Variants in PPARGC1A observed in about 807,000 individuals in gnomAD.
PPARGC1A encodes the protein PPARG coactivator 1 alpha.
Under a neutral mutation model 88.7 loss-of-function variants are expected in PPARGC1A, and 25 were observed. The observed-to-expected ratio is 0.28, with a 90% confidence interval of 0.21 to 0.39. PPARGC1A has a LOEUF of 0.39. Among genes scored for constraint, PPARGC1A ranks in the 10% least tolerant of loss-of-function variants. PPARGC1A has a pLI of 1.00. For synonymous variants in PPARGC1A, 363 were observed against 355.6 expected (o/e 1.02, Z -0.24); for missense variants, 880 against 968.7 (o/e 0.91, Z 1.22).
the PPARGC1A span, among the ~76,000 whole-genome samples, chr4:24,153,602 GT>G: frequency 6.6e-6 from 1 of 152,110 alleles, no homozygotes; most frequent in African/African-American, 2.4e-5. Context: ...TTTTTCTGCC[GT>G]TTATTAACAT....
At chr4:24,022,093 C>T in the PPARGC1A span, among the ~76,000 whole-genome samples, 6 of 152,190 alleles carry the variant, frequency 3.9e-5, no homozygotes, top group Middle Eastern at 3.4e-3. Context: ...GGTCAGGCTG[C>T]AAAGGAGAAT....
the PPARGC1A span, among the ~76,000 whole-genome samples, chr4:24,135,899 A>T: frequency 1.3e-5 from 2 of 152,184 alleles, no homozygotes; most frequent in African/African-American, 4.8e-5. Context: ...GAATGCGTTT[A>T]AACACCACAG....
the PPARGC1A span, among the ~76,000 whole-genome samples, chr4:24,089,431 C>A: frequency 6.6e-6 from 1 of 152,032 alleles, no homozygotes; most frequent in African/African-American, 2.4e-5. Context: ...TACTTTCCAC[C>A]CAATGCCAAG....
At chr4:23,821,053 T>C (rs751609318) in intron 7 of PPARGC1A, among the ~76,000 whole-genome samples, 18 of 152,134 alleles carry the variant, frequency 1.2e-4, no homozygotes, top group Non-Finnish European at 2.5e-4. Flanking sequence ...ACATTCCCCA[T>C]GAGCACAGAC....
chr4:24,160,853 G>A, the PPARGC1A span, among the ~76,000 whole-genome samples: 20 of 152,126 alleles, frequency 1.3e-4, no homozygotes, highest in Non-Finnish European at 1.8e-4. Flanking sequence ...GGTAAAGTTG[G>A]GACCTACTGA....
At chr4:23,947,464 T>G in the PPARGC1A span, among the ~76,000 whole-genome samples, 1 of 149,304 alleles carries the variant, frequency 6.7e-6, no homozygotes, top group African/African-American at 2.5e-5. Context: ...GTCACGCTGC[T>G]GGTAAGAAGT....
At chr4:23,899,253 G>C (rs1719004568) in intron 1 of PPARGC1A, 1 of 152,232 alleles carries the variant, frequency 6.6e-6, no homozygotes, top group African/African-American at 2.4e-5. Flanking sequence ...AAGCCACTAA[G>C]TGGGAACTCC....
chr4:24,019,579 T>C, the PPARGC1A span, among the ~76,000 whole-genome samples: 1 of 152,180 alleles, frequency 6.6e-6, no homozygotes, highest in African/African-American at 2.4e-5. Flanking sequence ...CAAAGTCCAC[T>C]AACTCCGTGT....
the PPARGC1A span, among the ~76,000 whole-genome samples, chr4:24,406,197 C>T: frequency 3.3e-5 from 5 of 152,302 alleles, no homozygotes; most frequent in African/African-American, 7.2e-5. Context: ...AAAATACTCT[C>T]GCCCTGGGTG....
At chr4:24,180,444 C>T in the PPARGC1A span, among the ~76,000 whole-genome samples, 3 of 152,240 alleles carry the variant, frequency 2.0e-5, no homozygotes, top group East Asian at 1.9e-4. Context: ...ATCATCATTC[C>T]GGCTACGCTC....
chr4:24,044,290 G>A, the PPARGC1A span, among the ~76,000 whole-genome samples: 3 of 152,154 alleles, frequency 2.0e-5, no homozygotes, highest in Non-Finnish European at 4.4e-5. Flanking sequence ...CCTGGTCACA[G>A]TTTCTCACAA....
the PPARGC1A span, among the ~76,000 whole-genome samples, chr4:24,007,143 A>G: frequency 1.4e-4 from 22 of 152,204 alleles, no homozygotes; most frequent in African/African-American, 5.3e-4. Flanking sequence ...AATGAAATAC[A>G]GTATTTAAAG....
the PPARGC1A span, among the ~76,000 whole-genome samples, chr4:23,979,796 C>A: frequency 6.6e-6 from 1 of 152,150 alleles, no homozygotes; most frequent in South Asian, 2.1e-4. Context: ...CAGCATGCAC[C>A]TTTGTGCCTC....
In PPARGC1A at chr4:23,824,470, A is replaced by G. The variant is rs1179948708; in HGVS notation, c.796T>C (p.Ser266Pro). 10 of 1,610,534 alleles carry G rather than the reference A, an allele frequency of 6.2e-6. No individual in the cohort carries two copies. The highest frequency in any genetic ancestry group is 1.3e-5 in the African/African-American group (1 of 74,722). ...ACATTTCTTAATACTTACTTTGGTG[A>G]CTCTGGGGTCAGAGGAAGAGATAAA... ...TTLSLPLTPE[S>P]PNDPKGSPFE... The change falls in exon 6 of 13, where the codon TCA (serine) becomes CCA (proline). Residue 266 changes from serine to proline, a missense_variant. Transcript: ENST00000264867.
chr4:23,837,921 G>A (rs897426758), intron 2 of PPARGC1A, among the ~76,000 whole-genome samples: 4 of 152,132 alleles, frequency 2.6e-5, no homozygotes, highest in African/African-American at 9.7e-5. Flanking sequence ...TTGCAGAAAT[G>A]TACAGATTTT....
the PPARGC1A span, among the ~76,000 whole-genome samples, chr4:24,322,750 C>A: frequency 8.5e-5 from 13 of 152,114 alleles, no homozygotes; most frequent in Non-Finnish European, 1.8e-4. Context: ...TGACTCAGGG[C>A]TTCATGATTT....
At chr4:23,947,114 CTG>C in the PPARGC1A span, among the ~76,000 whole-genome samples, 1 of 151,800 alleles carries the variant, frequency 6.6e-6, no homozygotes, top group Non-Finnish European at 1.5e-5. Context: ...TGCTAGCTAA[CTG>C]GGAGCAATCA....
At chr4:23,904,848 T>C (rs1719849026), upstream of PPARGC1A, among the ~76,000 whole-genome samples, 1 of 152,244 alleles carries the variant, frequency 6.6e-6, no homozygotes, top group Non-Finnish European at 1.5e-5. Context: ...TAAAATTACT[T>C]AATTCAGCTT....
the PPARGC1A span, among the ~76,000 whole-genome samples, chr4:24,322,836 A>G: frequency 2.0e-5 from 3 of 152,198 alleles, no homozygotes; most frequent in African/African-American, 7.2e-5. Flanking sequence ...ACAGCCATCC[A>G]CAATGATTGG....
Sources: gnomAD v4.1 joint callset for allele counts (sites outside exome capture counted in the v4.1 genomes callset) on GRCh38, gnomAD v4.1.1 for gene constraint, MANE v1.5 for transcripts, NCBI Gene and HGNC (gene_info 2026-07-23, HGNC 2026-07-21) for gene names.